Variants in LDLRAD3 observed in about 807,000 individuals in gnomAD.
LDLRAD3 encodes the protein low density lipoprotein receptor class A domain containing 3.
A neutral mutation model predicts 29.4 loss-of-function variants in LDLRAD3; 20 were observed. The ratio of observed to expected loss-of-function variants is 0.68; its 90% CI spans 0.48 to 0.99. The LOEUF (loss-of-function observed/expected upper bound fraction) is 0.99. LDLRAD3 is among the 50% of genes least tolerant of loss of function. The probability of loss-of-function intolerance (pLI) is 0.00; values close to 1 mark genes in which losing one functional copy is unlikely to be tolerated. For missense variants in LDLRAD3, 420 were observed against 454.3 expected (o/e 0.92, Z 0.69); for synonymous variants, 157 against 192.7 (o/e 0.81, Z 1.53).
At position 36,229,396 on chromosome 11, in the gene LDLRAD3, A is replaced by G; in HGVS notation, c.1037A>G (p.Ter346=). ...CCCAGCCAGGGCACTGAAGAAGTAT[A>G]AGTCCCAGTTATTCCAAAGTCCATA... ...SEPSQGTEEV[*] The change falls in exon 6 of 6, where the codon TAA becomes TGA. Residue 346 remains the stop codon, a stop_retained_variant. Coordinates refer to ENST00000315571, the MANE Select transcript of LDLRAD3 (RefSeq NM_174902.4). The G allele has an allele frequency of 6.2e-7, 1 of 1,601,548 alleles. No individual in the cohort carries two copies. Among genetic ancestry groups the G allele is most frequent in the Admixed American group, 1.7e-5 (1 of 59,912 alleles).
At chr11:36,171,359 A>G (rs771905056) in intron 4 of LDLRAD3, among the ~76,000 whole-genome samples, 2 of 152,100 alleles carry the variant, frequency 1.3e-5, no homozygotes, top group Non-Finnish European at 2.9e-5. Context: ...TTGGTCATGA[A>G]GTCTTTGCCT....
intron 1 of LDLRAD3, among the ~76,000 whole-genome samples, chr11:36,002,352 G>A (rs1422003941): frequency 2.6e-5 from 4 of 152,204 alleles, no homozygotes; most frequent in Non-Finnish European, 4.4e-5. Flanking sequence ...CACTGGCCCC[G>A]TAGGTCAGGA....
At chr11:36,018,592 T>C (rs1324980135) in intron 1 of LDLRAD3, among the ~76,000 whole-genome samples, 1 of 152,204 alleles carries the variant, frequency 6.6e-6, no homozygotes, top group Non-Finnish European at 1.5e-5. Flanking sequence ...ATTTATATAT[T>C]TCTAAGGCTA....
rs989725933 is a variant in LDLRAD3 at position 36,100,055 on chromosome 11, A to G, written c.454+1594A>G. 3.9e-5 allele frequency among the ~76,000 whole-genome samples: 6 copies of G among 151,916 alleles called. No individual in the cohort carries two copies. The East Asian group carries it at 7.7e-4, about 20-fold the overall frequency. Reference sequence around the variant, plus strand: ...GCGCCATTCTAGACCAGCTAAATCAACTGGTGTCGGTGGGCCCAGCCAGAA... The same window carrying G: ...GCGCCATTCTAGACCAGCTAAATCAGCTGGTGTCGGTGGGCCCAGCCAGAA... On this transcript the variant is annotated intron_variant, in intron 4 of 5. Transcript: ENST00000315571.
intron 4 of LDLRAD3, among the ~76,000 whole-genome samples, chr11:36,107,817 A>G (rs752460461): frequency 6.6e-6 from 1 of 152,184 alleles, no homozygotes; most frequent in Non-Finnish European, 1.5e-5. Context: ...ATTTCTTACA[A>G]TATATCCCTG....
At chr11:35,975,902 T>C (rs1851469437) in intron 1 of LDLRAD3, among the ~76,000 whole-genome samples, 1 of 151,410 alleles carries the variant, frequency 6.6e-6, no homozygotes, top group African/African-American at 2.4e-5. Flanking sequence ...GATGTGCTGA[T>C]GGTGGTAGAG....
intron 5 of LDLRAD3, among the ~76,000 whole-genome samples, chr11:36,227,792 A>G (rs1430443394): frequency 6.6e-6 from 1 of 152,166 alleles, no homozygotes; most frequent in African/African-American, 2.4e-5. Flanking sequence ...CCTCCTGGGA[A>G]TGTCACGCTG....
chr11:36,144,074 G>C (rs1165964410), intron 4 of LDLRAD3, among the ~76,000 whole-genome samples: 1 of 151,980 alleles, frequency 6.6e-6, no homozygotes, highest in East Asian at 1.9e-4. Context: ...GATTGCAGGC[G>C]CGCGCCACCA....
At chr11:36,188,393 A>T (rs1854888483) in intron 4 of LDLRAD3, among the ~76,000 whole-genome samples, 2 of 149,868 alleles carry the variant, frequency 1.3e-5, no homozygotes, top group African/African-American at 5.0e-5. Context: ...AAAAAAAAAA[A>T]AAAAAATTGT....
At chr11:36,029,067 A>C (rs1268683279) in intron 1 of LDLRAD3, among the ~76,000 whole-genome samples, 1 of 151,994 alleles carries the variant, frequency 6.6e-6, no homozygotes, top group Admixed American at 6.6e-5. Context: ...ATATGGGGAA[A>C]CCCCGTCTCT....
intron 1 of LDLRAD3, among the ~76,000 whole-genome samples, chr11:36,032,783 T>G (rs890787104): frequency 3.3e-5 from 5 of 152,112 alleles, no homozygotes; most frequent in Non-Finnish European, 7.4e-5. Context: ...GATTGGGTGG[T>G]GCCAGTTGAG....
intron 2 of LDLRAD3, among the ~76,000 whole-genome samples, chr11:36,064,326 G>A (rs1464726144): frequency 6.6e-6 from 1 of 151,954 alleles, no homozygotes; most frequent in Non-Finnish European, 1.5e-5. Context: ...TTTTGAGACA[G>A]GATCTCACTC....
chr11:36,229,162 C>G lies in LDLRAD3; in HGVS notation c.803C>G (p.Pro268Arg). 6.2e-7 allele frequency: 1 copy of G among 1,612,952 alleles called. No individual in the cohort carries two copies. The highest frequency in any genetic ancestry group is 1.1e-5 in the South Asian group (1 of 91,038). ...SYSEALLDQR[P>R]AWYDLPPPPY... is the part of the protein sequence containing the mutation. ...CCCCCCTGCTGTCCCCATCACAGGC[C>G]TGCGTGGTATGACCTTCCTCCACCG... is the stretch of plus-strand genomic sequence containing the variant. Residue 268 changes from proline to arginine, a missense_variant and splice_region_variant, in exon 6 of 6, where the codon CCT (proline) becomes CGT (arginine). By Grantham distance (103) the Pro-to-Arg change is moderately radical (BLOSUM62 -2). Coordinates refer to ENST00000315571, the MANE Select transcript of LDLRAD3 (RefSeq NM_174902.4).
chr11:36,081,769 G>T lies in LDLRAD3; in HGVS notation c.310G>T (p.Glu104Ter), dbSNP rs1360909317. 6.2e-7 allele frequency: 1 copy of T among 1,614,122 alleles called. No individual in the cohort carries two copies. The highest frequency in any genetic ancestry group is 1.1e-5 in the South Asian group (1 of 91,092). The change falls in exon 3 of 6, where the codon GAG becomes TAG. Residue 104 changes from glutamate (E) to a stop codon, truncating the protein, a stop_gained. Coordinates refer to ENST00000315571, the MANE Select transcript of LDLRAD3 (RefSeq NM_174902.4). LOFTEE classifies it high-confidence loss of function. ...GGACTGTCCCGATGGCAGCGATGAA[G>T]AGAACTGCAGTAAGTGCTGCGCACT... ...FEDCPDGSDE[E>*]NCTANPLLCS...
chr11:36,212,770 G>A (rs1477279850), intron 4 of LDLRAD3, among the ~76,000 whole-genome samples: 1 of 151,998 alleles, frequency 6.6e-6, no homozygotes, highest in Non-Finnish European at 1.5e-5. Context: ...GGGACTGCTG[G>A]GGGCTTTCCT....
chr11:36,056,420 G>A (rs1852621558), intron 2 of LDLRAD3, among the ~76,000 whole-genome samples: 2 of 152,158 alleles, frequency 1.3e-5, no homozygotes, highest in African/African-American at 4.8e-5. Flanking sequence ...TACAGTTGGA[G>A]AGTTGAGGCT....
At position 35,944,456 on chromosome 11, in the gene LDLRAD3, G is replaced by GTGTGTGTGT. The variant is rs1464855294; in HGVS notation, c.46+324_46+332dup. Among the ~76,000 whole-genome samples the GTGTGTGTGT allele has an allele frequency of 6.6e-6, 1 of 152,006 alleles. No individual in the cohort carries two copies. Among genetic ancestry groups the GTGTGTGTGT allele is most frequent in the Admixed American group, 6.5e-5 (1 of 15,276 alleles). On this transcript the variant is annotated intron_variant, in intron 1 of 5. Coordinates refer to ENST00000315571, the MANE Select transcript of LDLRAD3 (RefSeq NM_174902.4). This position sits in a 1 kb window ranked among gnomAD's most constrained non-coding sequence, Gnocchi z 4.9. ...GATTGGGCGTAGCTCGAGTGTGGCT[G>GTGTGTGTGT]TGTGTGTGTTGTGTGTGTTGAGGAA...
At chr11:36,114,660 G>A (rs1229243764) in intron 4 of LDLRAD3, among the ~76,000 whole-genome samples, 2 of 152,204 alleles carry the variant, frequency 1.3e-5, no homozygotes, top group South Asian at 4.1e-4. Flanking sequence ...AGTCTTTCCT[G>A]TGTGGCACAG....
At chr11:36,174,136 G>A (rs1265819211) in intron 4 of LDLRAD3, among the ~76,000 whole-genome samples, 2 of 152,182 alleles carry the variant, frequency 1.3e-5, no homozygotes, top group Non-Finnish European at 2.9e-5. Flanking sequence ...TTTAATAAAT[G>A]GTGCTGGGAA....
Sources: allele counts gnomAD v4.1 joint callset (sites outside exome capture counted in the v4.1 genomes callset), GRCh38; gene constraint gnomAD v4.1.1; non-coding constraint Gnocchi (gnomAD v3.1); transcripts MANE v1.5; gene names NCBI Gene and HGNC (gene_info 2026-07-23, HGNC 2026-07-21).